DESI1: variants seen among roughly 807,000 people sequenced by gnomAD.
DESI1 encodes the protein PPPDE peptidase domain containing 2.
A neutral mutation model predicts 22.4 loss-of-function variants in DESI1; 17 were observed. The observed-to-expected ratio is 0.76, with a 90% CI of 0.52 to 1.14. DESI1 has a LOEUF of 1.14. Among genes scored for constraint, DESI1 ranks in the 50% most tolerant of loss-of-function variants. The probability of loss-of-function intolerance (pLI) is 0.00; values close to 1 mark genes in which losing one functional copy is unlikely to be tolerated. For synonymous variants in DESI1, 92 were observed against 84.2 expected, an observed-to-expected ratio of 1.09 and a Z score of -0.51; for missense variants, 177 against 208.9, an observed-to-expected ratio of 0.85 and a Z score of 0.94.
rs1398392491 is a variant in DESI1 at position 41,601,140 on chromosome 22, G to T, written c.464C>A (p.Pro155His). 6.2e-7 allele frequency: 1 copy of T among 1,613,484 alleles called. No homozygotes were observed. ...RPLLDSIQIQ[P>H]PGGSSVGRPN... ...TCTGCCCACGGAGCTCCCTCCTGGA[G>T]GCTGGATCTGAATGGAGTCCAGGAG... Residue 155 changes from proline to histidine, a missense_variant, in exon 6 of 6, where the codon CCT becomes CAT. Coordinates refer to ENST00000263256, the MANE Select transcript of DESI1 (RefSeq NM_015704.3).
intron 1 of DESI1, among the ~76,000 whole-genome samples, chr22:41,617,861 C>T (rs929474615): frequency 4.6e-5 from 7 of 152,116 alleles, no homozygotes; most frequent in Admixed American, 3.9e-4. Flanking sequence ...TCTTCAGTTA[C>T]AGCACTTTCC....
intron 1 of DESI1, 108 bp downstream of exon 1, chr22:41,620,643 TG>T: frequency 9.1e-7 from 1 of 1,099,628 alleles, no homozygotes; most frequent in Non-Finnish European, 1.3e-6. Flanking sequence ...TCCATCCTCC[TG>T]GCCATGTGTC....
Position 41,620,901 on chromosome 22 carries a change from C to T in DESI1, c.-62G>A, listed in dbSNP as rs1376107484. ...GGCACCCGGCAGCGGCTTGGACCTT[C>T]CCGTACCCGACGGGAGTGCGAAGCG... On this transcript the variant is annotated 5_prime_UTR_variant, in exon 1 of 6. Coordinates refer to ENST00000263256, the MANE Select transcript of DESI1 (RefSeq NM_015704.3). 1 of 1,558,714 alleles carries T rather than the reference C, an allele frequency of 6.4e-7. No individual in the cohort carries two copies. Among genetic ancestry groups the T allele is most frequent in the Non-Finnish European group, 8.7e-7 (1 of 1,149,798 alleles).
intron 1 of DESI1, among the ~76,000 whole-genome samples, chr22:41,615,053 C>T (rs537093371): frequency 2.6e-5 from 4 of 151,556 alleles, no homozygotes; most frequent in African/African-American, 9.7e-5. Context: ...AATCCCAGCA[C>T]TTTTGGAGGC....
intron 5 of DESI1, chr22:41,602,653 T>C (rs1732962274): frequency 2.1e-5 from 21 of 986,740 alleles, no homozygotes; most frequent in Non-Finnish European, 2.5e-5. Flanking sequence ...TGAGATGGCT[T>C]TGGGGGTGTT....
chr22:41,607,597 T>C (rs1040793820), intron 2 of DESI1, among the ~76,000 whole-genome samples: 1 of 152,224 alleles, frequency 6.6e-6, no homozygotes, highest in African/African-American at 2.4e-5. Flanking sequence ...CGTCCCTGCC[T>C]CTATCCACAA....
At position 41,620,964 on chromosome 22, in the gene DESI1, G is replaced by C; in HGVS notation, c.-125C>G. The stretch of plus-strand genomic sequence containing the variant: ...GGGACCGAGCCCGGGCCCGGGCTGA[G>C]GGGTGGGGGAGAGGCCGCCCTGCGC... On this transcript the variant is annotated 5_prime_UTR_variant, in exon 1 of 6. Transcript: ENST00000263256. The C allele has an allele frequency of 9.5e-7, 1 of 1,049,278 alleles. No individual in the cohort carries two copies. The highest frequency in any genetic ancestry group is 1.4e-6 in the Non-Finnish European group (1 of 724,012). The allele number at this position is 1,049,278 out of a possible 1,614,324, so 65.0% of individuals were successfully genotyped here.
At position 41,601,107 on chromosome 22, in the gene DESI1, C is replaced by A. The variant is rs1392978968; in HGVS notation, c.497G>T (p.Gly166Val). ...PGGSSVGRPN[G>V]QS ...TCCCAGGCAGTCCTGTTAGCTCTGG[C>A]CGTTGGGTCTGCCCACGGAGCTCCC... Residue 166 changes from glycine to valine, a missense_variant, in exon 6 of 6, where the codon GGC (glycine) becomes GTC (valine). Transcript: ENST00000263256. The A allele has an allele frequency of 6.2e-7, 1 of 1,612,950 alleles. No individual in the cohort carries two copies. The highest frequency in any genetic ancestry group is 1.3e-5 in the African/African-American group (1 of 74,908).
In DESI1 at chr22:41,604,120, CCA is replaced by C. The variant is rs774370415; in HGVS notation, c.212_213del (p.Val71GlyfsTer2). The part of the protein sequence containing the change: ...GGTLLGPPDS[V>X]VDVGSTEVTE... ...GTGACTTCTGTACTCCCCACATCAA[CCA>C]CAGAGTCTGGAGGCCCAAGCAATGT... is the stretch of plus-strand genomic sequence containing the variant. On this transcript the variant is annotated frameshift_variant, in exon 4 of 6. Transcript: ENST00000263256. LOFTEE classifies it high-confidence loss of function. The C allele has an allele frequency of 1.2e-5, 19 of 1,614,064 alleles. No individual in the cohort carries two copies. The highest frequency in any genetic ancestry group is 1.6e-5 in the Non-Finnish European group (19 of 1,180,006).
chr22:41,616,525 AACACACAC>A (rs55785001), intron 1 of DESI1, among the ~76,000 whole-genome samples: 57,069 of 146,450 alleles, frequency 0.39, 11,429 homozygotes, highest in East Asian at 0.68. Flanking sequence ...CCACAATTAA[AACACACAC>A]ACACACACAC....
At chr22:41,612,486 C>T (rs1473115017) in intron 1 of DESI1, among the ~76,000 whole-genome samples, 4 of 120,404 alleles carry the variant, frequency 3.3e-5, no homozygotes, top group Non-Finnish European at 3.4e-5. Context: ...GCCTGGGCGA[C>T]AAGAACAAAA....
chr22:41,621,003 A>C lies in DESI1; in HGVS notation c.-164T>G. 1 of 692,028 alleles carries C rather than the reference A, an allele frequency of 1.4e-6. No individual in the cohort carries two copies. Among genetic ancestry groups the C allele is most frequent in the Non-Finnish European group, 2.4e-6 (1 of 420,456 alleles). The allele number at this position is 692,028 out of a possible 1,614,324, so 42.9% of individuals were successfully genotyped here. ...GCCGCCCTGCGCTGCTCGCGCCCCC[A>C]CACCCGCTACCGGCAACGACTACTG... is the stretch of plus-strand genomic sequence containing the variant. On this transcript the variant is annotated 5_prime_UTR_variant, in exon 1 of 6. Transcript: ENST00000263256.
chr22:41,616,957 G>A (rs183751862), intron 1 of DESI1, among the ~76,000 whole-genome samples: 12 of 152,296 alleles, frequency 7.9e-5, no homozygotes, highest in Admixed American at 6.5e-4. Flanking sequence ...GCCTGAGAGG[G>A]TACTGCAGAT....
chr22:41,609,159 C>T (rs1310203693), intron 1 of DESI1, among the ~76,000 whole-genome samples: 1 of 152,134 alleles, frequency 6.6e-6, no homozygotes, highest in African/African-American at 2.4e-5. Flanking sequence ...CCAGGCTGGT[C>T]TCGAACTCCT....
intron 1 of DESI1, among the ~76,000 whole-genome samples, chr22:41,619,048 A>T (rs960785947): frequency 2.0e-5 from 3 of 151,856 alleles, no homozygotes; most frequent in Admixed American, 6.6e-5. Context: ...TGGGTGACAG[A>T]GCGAGACTCC....
chr22:41,608,293 C>T (rs563882446), intron 1 of DESI1, among the ~76,000 whole-genome samples: 4 of 152,148 alleles, frequency 2.6e-5, no homozygotes, highest in Non-Finnish European at 2.9e-5. Flanking sequence ...AGTTAAAGCA[C>T]GTTATTCTAC....
intron 1 of DESI1, among the ~76,000 whole-genome samples, chr22:41,616,719 T>C (rs1601516558): frequency 6.6e-6 from 1 of 152,206 alleles, no homozygotes; most frequent in South Asian, 2.1e-4. Flanking sequence ...TCTGCTCAAT[T>C]AGAATGCTGA....
intron 1 of DESI1, among the ~76,000 whole-genome samples, chr22:41,619,358 T>C (rs2067569133): frequency 6.6e-6 from 1 of 152,254 alleles, no homozygotes; most frequent in African/African-American, 2.4e-5. Flanking sequence ...ATATTATGTG[T>C]ATGTAATACA....
chr22:41,607,262 C>G lies in DESI1; in HGVS notation c.180G>C (p.Pro60=), dbSNP rs781459245. The change falls in exon 3 of 6, where the codon CCG becomes CCC. Residue 60 remains proline, a splice_region_variant and synonymous_variant. Coordinates refer to ENST00000263256, the MANE Select transcript of DESI1 (RefSeq NM_015704.3). ...ACAGAGTGTAGGGGAAGACACTCACCGGGGGGCAGCTGGAGATACCACCAC... is the reference window on the plus strand; with the variant it reads ...ACAGAGTGTAGGGGAAGACACTCACGGGGGGGCAGCTGGAGATACCACCAC... ...FGSGGISSCP[P]GGTLLGPPDS... The G allele has an allele frequency of 4.4e-6, 7 of 1,607,984 alleles. No individual in the cohort carries two copies. Among genetic ancestry groups the G allele is most frequent in the South Asian group, 1.1e-5 (1 of 90,254 alleles).
Sources: gnomAD v4.1 joint callset for allele counts (sites outside exome capture counted in the v4.1 genomes callset) on GRCh38, gnomAD v4.1.1 for gene constraint, MANE v1.5 for transcripts, NCBI Gene and HGNC (gene_info 2026-07-23, HGNC 2026-07-21) for gene names.